SLC9A9: variants seen among roughly 807,000 people sequenced by gnomAD.
SLC9A9 encodes the protein solute carrier family 9 member A9, also known as sodium/hydrogen exchanger 9.
A neutral mutation model predicts 77.8 loss-of-function variants in SLC9A9; 62 were observed. The ratio of observed to expected loss-of-function variants is 0.80; its 90% CI spans 0.65 to 0.98. The LOEUF (loss-of-function observed/expected upper bound fraction) is 0.98. Among genes scored for constraint, SLC9A9 ranks in the 50% least tolerant of loss-of-function variants. The pLI is 0.00. For synonymous variants in SLC9A9, 320 were observed against 283.5 expected (o/e 1.13, Z -1.29); for missense variants, 775 against 774.9 (o/e 1.00, Z 0.00).
intron 9 of SLC9A9, among the ~76,000 whole-genome samples, chr3:143,513,823 A>C (rs2036158446): frequency 6.6e-6 from 1 of 152,204 alleles, no homozygotes; most frequent in South Asian, 2.1e-4. Context: ...AATGAGCAGC[A>C]ATTTTTTAAA....
intron 14 of SLC9A9, among the ~76,000 whole-genome samples, chr3:143,272,779 A>T (rs1246643123): frequency 1.3e-5 from 2 of 152,196 alleles, no homozygotes; most frequent in Non-Finnish European, 2.9e-5. Flanking sequence ...TAATATGACT[A>T]GTTTTGCTTC....
chr3:143,539,636 A>G (rs1254529911), intron 9 of SLC9A9, among the ~76,000 whole-genome samples: 1 of 152,200 alleles, frequency 6.6e-6, no homozygotes, highest in Non-Finnish European at 1.5e-5. Context: ...TAAAACTGTA[A>G]TGGGCTATTA....
chr3:143,279,617 A>G (rs1344645134), intron 14 of SLC9A9, among the ~76,000 whole-genome samples: 1 of 152,006 alleles, frequency 6.6e-6, no homozygotes, highest in Non-Finnish European at 1.5e-5. Context: ...CCCTGGGTCC[A>G]TGTGTTCCCA....
At chr3:143,407,121 A>G (rs947656748) in intron 12 of SLC9A9, among the ~76,000 whole-genome samples, 2 of 152,254 alleles carry the variant, frequency 1.3e-5, no homozygotes, top group African/African-American at 4.8e-5. Context: ...CTAAAGTATC[A>G]CATCAACTGT....
chr3:143,618,273 G>A (rs769736144), intron 6 of SLC9A9, among the ~76,000 whole-genome samples: 2 of 152,228 alleles, frequency 1.3e-5, no homozygotes, highest in Non-Finnish European at 2.9e-5. Flanking sequence ...TGTCAAGAGA[G>A]TTTTATATTA....
chr3:143,417,061 C>T (rs756305645), intron 12 of SLC9A9, among the ~76,000 whole-genome samples: 3 of 151,976 alleles, frequency 2.0e-5, no homozygotes, highest in Non-Finnish European at 4.4e-5. Flanking sequence ...GGTATGCTGA[C>T]GTTTGCCAAT....
intron 4 of SLC9A9, among the ~76,000 whole-genome samples, chr3:143,756,106 A>C (rs542981538): frequency 7.2e-5 from 11 of 152,304 alleles, no homozygotes; most frequent in African/African-American, 2.6e-4. Flanking sequence ...GTCACCAGTC[A>C]GGTCTTCCAC....
At chr3:143,592,239 C>G (rs1311714938) in intron 6 of SLC9A9, among the ~76,000 whole-genome samples, 1 of 152,136 alleles carries the variant, frequency 6.6e-6, no homozygotes, top group African/African-American at 2.4e-5. Context: ...ACAAGAGGAC[C>G]TTGGTGGCTG....
In SLC9A9 at chr3:143,848,261, G is replaced by A. The variant is rs1236349144; in HGVS notation, c.62C>T (p.Ala21Val). The A allele has an allele frequency of 5.6e-6, 9 of 1,613,944 alleles. No homozygotes were observed. Among genetic ancestry groups the A allele is most frequent in the Non-Finnish European group, 7.6e-6 (9 of 1,179,928 alleles). The part of the protein sequence containing the change: ...KDEYQFQHQG[A>V]VELLVFNFLL... ...AAAATTGAAGACAAGCAGCTCCACC[G>A]CTCCCTGATGTTGAAACTGATACTC... The change falls in exon 1 of 16, where the codon GCG (alanine) becomes GTG (valine). Residue 21 changes from alanine to valine, a missense_variant. Physicochemically the swap from Ala to Val is moderately conservative, Grantham distance 64 (BLOSUM62 0). Transcript: ENST00000316549.
At chr3:143,380,780 C>A (rs1416018872) in intron 13 of SLC9A9, among the ~76,000 whole-genome samples, 2 of 152,206 alleles carry the variant, frequency 1.3e-5, no homozygotes, top group East Asian at 3.8e-4. Flanking sequence ...AATTTCCCAG[C>A]CTTTTCCACA....
intron 9 of SLC9A9, among the ~76,000 whole-genome samples, chr3:143,523,560 G>C (rs1328360821): frequency 6.6e-6 from 1 of 152,156 alleles, no homozygotes; most frequent in Non-Finnish European, 1.5e-5. Flanking sequence ...GTGAATCCCA[G>C]CTCTTCGGTT....
intron 6 of SLC9A9, among the ~76,000 whole-genome samples, chr3:143,592,480 C>T (rs2037667123): frequency 6.6e-6 from 1 of 152,228 alleles, no homozygotes; most frequent in South Asian, 2.1e-4. Flanking sequence ...TGGCTGGGAT[C>T]AAACGTGGCT....
chr3:143,615,883 T>C (rs1324760026), intron 6 of SLC9A9, among the ~76,000 whole-genome samples: 2 of 138,766 alleles, frequency 1.4e-5, no homozygotes, highest in Admixed American at 7.2e-5. Flanking sequence ...ACTTTAAATT[T>C]CTTTTTTTTT....
intron 4 of SLC9A9, among the ~76,000 whole-genome samples, chr3:143,730,333 C>A (rs1045516862): frequency 1.3e-5 from 2 of 152,348 alleles, no homozygotes; most frequent in African/African-American, 4.8e-5. Flanking sequence ...ACAAAGTTAA[C>A]TCATCTCTTT....
chr3:143,340,517 A>G (rs2032065156), intron 14 of SLC9A9, among the ~76,000 whole-genome samples: 1 of 152,204 alleles, frequency 6.6e-6, no homozygotes, highest in African/African-American at 2.4e-5. Context: ...AATGGAAAAC[A>G]AGATCATTCT....
At chr3:143,620,977 C>T (rs151315103) in intron 6 of SLC9A9, among the ~76,000 whole-genome samples, 1 of 152,220 alleles carries the variant, frequency 6.6e-6, no homozygotes, top group Non-Finnish European at 1.5e-5. Context: ...TATCCCGCGC[C>T]TGGCTCAGAG....
At chr3:143,637,591 A>C (rs1244099043) in intron 6 of SLC9A9, among the ~76,000 whole-genome samples, 1 of 152,164 alleles carries the variant, frequency 6.6e-6, no homozygotes, top group Non-Finnish European at 1.5e-5. Context: ...TTTGGGCTTT[A>C]GTTTTCTATA....
chr3:143,614,069 G>A (rs894209166), intron 6 of SLC9A9, among the ~76,000 whole-genome samples: 2 of 152,086 alleles, frequency 1.3e-5, no homozygotes, highest in African/African-American at 4.8e-5. Context: ...CCTCTGCTGT[G>A]CTTTTAGTTG....
At chr3:143,754,281 G>T (rs185111976) in intron 4 of SLC9A9, among the ~76,000 whole-genome samples, 1 of 152,316 alleles carries the variant, frequency 6.6e-6, no homozygotes, top group East Asian at 1.9e-4. Flanking sequence ...TCCCAATATG[G>T]TAACCCCAGG....
Sources: allele counts gnomAD v4.1 joint callset (sites outside exome capture counted in the v4.1 genomes callset), GRCh38; gene constraint gnomAD v4.1.1; transcripts MANE v1.5; gene names NCBI Gene and HGNC (gene_info 2026-07-23, HGNC 2026-07-21).